Variants in MYO9A observed in about 807,000 individuals in gnomAD.
MYO9A encodes the protein myosin IXA, also known as unconventional myosin-IXa.
In MYO9A, 103 loss-of-function variants were observed where a neutral mutation model predicts 293.3. That is an observed-to-expected ratio of 0.35 (90% CI 0.30 to 0.41). MYO9A has a LOEUF of 0.41. MYO9A is among the 10% of genes least tolerant of loss of function. The pLI is 1.00. For missense variants in MYO9A, 2,685 were observed against 3,033.0 expected (o/e 0.89, Z 2.69); for synonymous variants, 1,001 against 1,035.7 (o/e 0.97, Z 0.64).
chr15:71,908,021 T>C lies in MYO9A; in HGVS notation c.2686-3015A>G, dbSNP rs569540685. 8.6e-4 allele frequency among the ~76,000 whole-genome samples: 131 copies of C among 152,348 alleles called. 1 individual carries two copies. The highest frequency in any genetic ancestry group is 3.0e-3 in the African/African-American group (123 of 41,582). ...GTTTTAGACATGAAGTACTTGCCCATGCCTATGTCCTGAATGGTAATGCCT... is the reference window on the plus strand; with the variant it reads ...GTTTTAGACATGAAGTACTTGCCCACGCCTATGTCCTGAATGGTAATGCCT... On this transcript the variant is annotated intron_variant, in intron 19 of 41. Coordinates refer to ENST00000356056, the MANE Select transcript of MYO9A (RefSeq NM_006901.4).
intron 15 of MYO9A, among the ~76,000 whole-genome samples, chr15:71,948,056 G>A (rs2058962034): frequency 6.6e-6 from 1 of 152,116 alleles, no homozygotes; most frequent in African/African-American, 2.4e-5. Flanking sequence ...AGGAGGAAAG[G>A]CCACAATACC....
Position 72,007,930 on chromosome 15 carries a change from T to C in MYO9A, c.1276A>G (p.Ile426Val). ...TAACAGATATTACCCAAATGTAGTA[T>C]GGCTGAGAGAAGAGAGAAAATCCTG... ...RRQIFSLLSA[I>V]LHLGNICYKK... The change falls in exon 8 of 42, where the codon ATA becomes GTA. Residue 426 changes from isoleucine to valine, a missense_variant. This residue lies in a region of MYO9A where 289 missense variants were observed against 456.8 expected (regional missense o/e 0.63). Coordinates refer to ENST00000356056, the MANE Select transcript of MYO9A (RefSeq NM_006901.4). 2 of 1,612,348 alleles carry C rather than the reference T, an allele frequency of 1.2e-6. No homozygotes were observed. The highest frequency in any genetic ancestry group is 1.7e-6 in the Non-Finnish European group (2 of 1,179,412).
At chr15:71,881,596 GTATC>G (rs1456589916) in intron 28 of MYO9A, among the ~76,000 whole-genome samples, 12 of 152,142 alleles carry the variant, frequency 7.9e-5, no homozygotes, top group East Asian at 1.9e-4. Context: ...AGCAAAGTCA[GTATC>G]TTTCTTATTA....
chr15:72,101,827 GC>G (rs1187747319), intron 1 of MYO9A, among the ~76,000 whole-genome samples: 3 of 42,980 alleles, frequency 7.0e-5, no homozygotes, highest in African/African-American at 1.9e-4. Flanking sequence ...GGCGGGGTCA[GC>G]CCCCCGCCCG....
intron 39 of MYO9A, among the ~76,000 whole-genome samples, chr15:71,836,312 C>T (rs977367813): frequency 3.3e-5 from 5 of 151,830 alleles, no homozygotes; most frequent in African/African-American, 1.2e-4. Flanking sequence ...ACAAAAAATA[C>T]AATTTTTAAA....
At chr15:71,893,649 A>T (rs968130932) in intron 26 of MYO9A, 30 bp downstream of exon 26, 3 of 1,525,340 alleles carry the variant, frequency 2.0e-6, no homozygotes, top group Admixed American at 1.7e-5. Context: ...TTTTGTATAG[A>T]AGATAGATAA....
chr15:72,005,430 A>T (rs976689786), intron 8 of MYO9A, among the ~76,000 whole-genome samples: 1 of 152,206 alleles, frequency 6.6e-6, no homozygotes, highest in Non-Finnish European at 1.5e-5. Flanking sequence ...GCCTAGACTT[A>T]TAAGTAAGAC....
chr15:71,896,497 C>T (rs925799108), intron 25 of MYO9A, among the ~76,000 whole-genome samples: 8 of 152,018 alleles, frequency 5.3e-5, no homozygotes, highest in Non-Finnish European at 7.4e-5. Flanking sequence ...ATTCTACTTA[C>T]GGCTGGGTGC....
In MYO9A at chr15:71,857,227, TTGAAA is replaced by T. The variant is rs2055899241; in HGVS notation, c.6153+2503_6153+2507del. ...CAAACATGCTAGAACATTCTATTTC[TTGAAA>T]TGAAGAGACAAATTAATCTTACTAT... On this transcript the variant is annotated intron_variant, in intron 34 of 41. Coordinates refer to ENST00000356056, the MANE Select transcript of MYO9A (RefSeq NM_006901.4). 2.0e-5 allele frequency among the ~76,000 whole-genome samples: 3 copies of T among 152,202 alleles called. No homozygotes were observed. The South Asian group carries it at 6.2e-4, about 31-fold the overall frequency.
At position 71,916,380 on chromosome 15, in the gene MYO9A, G is replaced by A. The variant is rs1466057246; in HGVS notation, c.2675C>T (p.Ala892Val). 6.2e-7 allele frequency: 1 copy of A among 1,611,034 alleles called. No individual in the cohort carries two copies. Among genetic ancestry groups the A allele is most frequent in the Non-Finnish European group, 8.5e-7 (1 of 1,179,268 alleles). The change falls in exon 19 of 42, where the codon GCC becomes GTC. Residue 892 changes from alanine to valine, a missense_variant. Around this residue, in one of 10 missense-constraint regions of MYO9A, gnomAD observed 1,434 missense variants for 1,497.7 expected, o/e 0.96. Coordinates refer to ENST00000356056, the MANE Select transcript of MYO9A (RefSeq NM_006901.4). ...HKKKKPPSIS[A>V]QFQASLSKLM... is the part of the protein sequence containing the mutation. The stretch of plus-strand genomic sequence containing the variant: ...GAAACAAGAAATAACCTGAAACTGG[G>A]CACTGATGCTGGGAGGTTTTTTCTT...
At chr15:72,075,297 T>C (rs1361296802) in intron 1 of MYO9A, among the ~76,000 whole-genome samples, 3 of 152,032 alleles carry the variant, frequency 2.0e-5, no homozygotes, top group Non-Finnish European at 4.4e-5. Context: ...AATATTCACA[T>C]ATAATAAAAA....
intron 14 of MYO9A, among the ~76,000 whole-genome samples, chr15:71,954,088 G>A (rs2059123797): frequency 1.3e-5 from 2 of 151,996 alleles, no homozygotes; most frequent in Admixed American, 6.6e-5. Flanking sequence ...TGGAGATGGG[G>A]TTTCACCATG....
intron 1 of MYO9A, among the ~76,000 whole-genome samples, chr15:72,057,960 A>G (rs1465708261): frequency 1.3e-5 from 2 of 152,184 alleles, no homozygotes; most frequent in African/African-American, 2.4e-5. Context: ...ATTTCAGTGC[A>G]ATACCCTTTG....
chr15:72,046,231 G>A lies in MYO9A; in HGVS notation c.333C>T (p.Asn111=). The A allele has an allele frequency of 1.2e-6, 2 of 1,613,826 alleles. No individual in the cohort carries two copies. Among genetic ancestry groups the A allele is most frequent in the Non-Finnish European group, 8.5e-7 (1 of 1,179,824 alleles). ...TACCATAATGGATTGATCCATCAAG[G>A]TTTTTCTCTCTCAGAAGGAAGCGGT... ...EDYRFLLREK[N]LDGSIHYGSL... is the part of the protein sequence containing the mutation. Residue 111 remains asparagine, a synonymous_variant, in exon 2 of 42, where the codon AAC becomes AAT. Coordinates refer to ENST00000356056, the MANE Select transcript of MYO9A (RefSeq NM_006901.4).
intron 9 of MYO9A, among the ~76,000 whole-genome samples, chr15:71,997,535 G>A (rs1315377845): frequency 6.6e-6 from 1 of 151,968 alleles, no homozygotes; most frequent in Middle Eastern, 3.2e-3. Flanking sequence ...AAGAGGCAGA[G>A]GTTGCAGTGA....
In MYO9A at chr15:72,006,367, C is replaced by G. The variant is rs897979637; in HGVS notation, c.1380+1459G>C. Among the ~76,000 whole-genome samples the G allele has an allele frequency of 3.3e-5, 5 of 152,118 alleles. No homozygotes were observed. In the East Asian group the frequency reaches 7.7e-4, roughly 23 times the overall value. On this transcript the variant is annotated intron_variant, in intron 8 of 41. Transcript: ENST00000356056. ...TCACCTGCCTCAGCCTCTCAATGTG[C>G]TGGGATTGCAGGCATGAGCCGCCAG...
intron 33 of MYO9A, 88 bp from the exon 34 acceptor site, chr15:71,859,884 G>GT: frequency 1.4e-6 from 1 of 698,746 alleles, no homozygotes; most frequent in Non-Finnish European, 2.1e-6. Flanking sequence ...TTAGACCTAC[G>GT]TTTTTTTCTT....
At chr15:72,111,640 T>A (rs1437259706) in intron 1 of MYO9A, among the ~76,000 whole-genome samples, 1 of 8,706 alleles carries the variant, frequency 1.1e-4, no homozygotes, top group Non-Finnish European at 3.2e-4. Flanking sequence ...TACCCCCAAT[T>A]TTTTTTTTTT....
At chr15:72,029,205 T>C (rs1320450409) in intron 3 of MYO9A, among the ~76,000 whole-genome samples, 1 of 152,222 alleles carries the variant, frequency 6.6e-6, no homozygotes, top group Non-Finnish European at 1.5e-5. Flanking sequence ...ACTGCCTTTA[T>C]GTAAAGTTAT....
Sources: gnomAD v4.1 joint callset for allele counts (sites outside exome capture counted in the v4.1 genomes callset) on GRCh38, gnomAD v4.1.1 for gene constraint, gnomAD v4.1.1 regional missense constraint, MANE v1.5 for transcripts, NCBI Gene and HGNC (gene_info 2026-07-23, HGNC 2026-07-21) for gene names.